SLC7A14: variants seen among roughly 807,000 people sequenced by gnomAD.
The protein encoded by SLC7A14 is gamma-aminobutyric acid transporter SLC7A14.
A neutral mutation model predicts 60.2 loss-of-function variants in SLC7A14; 37 were observed. The ratio of observed to expected loss-of-function variants is 0.61; its 90% CI spans 0.47 to 0.81. SLC7A14 has a LOEUF of 0.81. SLC7A14 is among the 30% of genes least tolerant of loss of function. The pLI is 0.00. For missense variants in SLC7A14, 886 were observed against 982.7 expected, an observed-to-expected ratio of 0.90 and a Z score of 1.32; for synonymous variants, 399 against 395.8, an observed-to-expected ratio of 1.01 and a Z score of -0.10.
chr3:170,502,803 C>T (rs561210661), intron 2 of SLC7A14: 2 of 152,340 alleles, frequency 1.3e-5, no homozygotes, highest in African/African-American at 4.8e-5. Flanking sequence ...TCTCTTCTTT[C>T]CCCTCAGCTG....
intron 1 of SLC7A14, among the ~76,000 whole-genome samples, chr3:170,549,198 G>C (rs1262162583): frequency 2.7e-5 from 4 of 150,816 alleles, no homozygotes; most frequent in Admixed American, 6.6e-5. Flanking sequence ...ATCCAGACTG[G>C]GACACCGGCC....
rs576413086 is a variant in SLC7A14, at chr3:170,532,338, C to G, written c.-152-5250G>C. Among the ~76,000 whole-genome samples, 1 of 152,324 alleles carries G rather than the reference C, an allele frequency of 6.6e-6. No homozygotes were observed. The highest frequency in any genetic ancestry group is 1.9e-4 in the East Asian group (1 of 5,184). On this transcript the variant is annotated intron_variant, in intron 1 of 7. Transcript: ENST00000231706. This position sits in a 1 kb window ranked among gnomAD's most constrained non-coding sequence, Gnocchi z 4.0. ...CCCTTCTGAGGTCTCTGCCCACTCCCGCATCCAGGTCTTGGCTAACCCTCT... is the reference window on the plus strand; with the variant it reads ...CCCTTCTGAGGTCTCTGCCCACTCCGGCATCCAGGTCTTGGCTAACCCTCT...
At chr3:170,508,462 C>A (rs1284213672) in intron 2 of SLC7A14, among the ~76,000 whole-genome samples, 1 of 152,212 alleles carries the variant, frequency 6.6e-6, no homozygotes, top group African/African-American at 2.4e-5. Context: ...ATACTTCACA[C>A]TGGGTAGGCA....
chr3:170,511,384 C>T (rs550133152), intron 2 of SLC7A14, among the ~76,000 whole-genome samples: 1 of 150,504 alleles, frequency 6.6e-6, no homozygotes, highest in South Asian at 2.1e-4. Flanking sequence ...GCAACAAGAG[C>T]GAAACTCCGT....
Position 170,467,154 on chromosome 3 carries a change from T to C in SLC7A14, c.2217A>G (p.Ala739=), listed in dbSNP as rs1273903854. 27 of 1,614,154 alleles carry C rather than the reference T, an allele frequency of 1.7e-5. No homozygotes were observed. Among genetic ancestry groups the C allele is most frequent in the Non-Finnish European group, 2.2e-5 (26 of 1,180,056 alleles). ...TCGCTTTGCTACTTGTCCGGCCGTT[T>C]GCCTTCGCATCTGACATCTGTTGGT... ...FYYQQMSDAK[A]NGRTSSKAKS... The change falls in exon 8 of 8, where the codon GCA becomes GCG. Residue 739 remains alanine, a synonymous_variant. Transcript: ENST00000231706.
intron 7 of SLC7A14, among the ~76,000 whole-genome samples, chr3:170,470,865 C>CT (rs1232879304): frequency 2.6e-5 from 4 of 152,004 alleles, no homozygotes; most frequent in African/African-American, 4.8e-5. Flanking sequence ...GTTTCTGCTC[C>CT]TTTTTTTAGT....
chr3:170,525,588 T>C (rs2108293050), intron 2 of SLC7A14, among the ~76,000 whole-genome samples: 1 of 152,368 alleles, frequency 6.6e-6, no homozygotes, highest in South Asian at 2.1e-4. Flanking sequence ...ACTTGTCATT[T>C]TGCTGCTCTG....
intron 5 of SLC7A14, among the ~76,000 whole-genome samples, chr3:170,485,421 G>C (rs923732265): frequency 6.6e-6 from 1 of 152,214 alleles, no homozygotes; most frequent in African/African-American, 2.4e-5. Context: ...TAATTGTGGT[G>C]ACCCAAGTGA....
chr3:170,536,389 T>A (rs1316696159), intron 1 of SLC7A14, among the ~76,000 whole-genome samples: 1 of 152,238 alleles, frequency 6.6e-6, no homozygotes, highest in Non-Finnish European at 1.5e-5. Context: ...AATGGAAGAC[T>A]GATATAGCAA....
chr3:170,476,533 C>T (rs1279816577), intron 7 of SLC7A14, among the ~76,000 whole-genome samples: 1 of 152,178 alleles, frequency 6.6e-6, no homozygotes, highest in East Asian at 1.9e-4. Flanking sequence ...TTACAAAAGG[C>T]GCTCAGGGAG....
chr3:170,555,133 A>C (rs936982237), intron 1 of SLC7A14, among the ~76,000 whole-genome samples: 13 of 151,728 alleles, frequency 8.6e-5, no homozygotes, highest in Non-Finnish European at 1.8e-4. Context: ...ACACCACTGC[A>C]CTTCAGCCTG....
chr3:170,521,243 T>C (rs1713331945), intron 2 of SLC7A14, among the ~76,000 whole-genome samples: 1 of 152,180 alleles, frequency 6.6e-6, no homozygotes, highest in Non-Finnish European at 1.5e-5. Flanking sequence ...GCTTGACAAA[T>C]TGTAAAGAAA....
intron 4 of SLC7A14, among the ~76,000 whole-genome samples, chr3:170,493,224 G>GA (rs1174092141): frequency 2.3e-4 from 35 of 152,210 alleles, no homozygotes; most frequent in Admixed American, 1.3e-3. Context: ...TTGATATAGG[G>GA]AAAAATGTTT....
At chr3:170,478,354 A>T (rs1711698172) in intron 7 of SLC7A14, among the ~76,000 whole-genome samples, 1 of 152,222 alleles carries the variant, frequency 6.6e-6, no homozygotes, top group Non-Finnish European at 1.5e-5. Flanking sequence ...CTGGGATTAT[A>T]GACGTGAGCC....
intron 1 of SLC7A14, among the ~76,000 whole-genome samples, chr3:170,547,958 C>G (rs1714230602): frequency 2.6e-5 from 4 of 152,146 alleles, no homozygotes; most frequent in Admixed American, 1.3e-4. Flanking sequence ...TTAGGCTAAG[C>G]TCCTTGGAGG....
At chr3:170,544,035 A>G (rs1009954642) in intron 1 of SLC7A14, among the ~76,000 whole-genome samples, 2 of 152,052 alleles carry the variant, frequency 1.3e-5, no homozygotes, top group African/African-American at 4.8e-5. Context: ...GGCATGAGCC[A>G]CCACACCCGG....
chr3:170,573,928 A>G (rs1459032569), intron 1 of SLC7A14, among the ~76,000 whole-genome samples: 1 of 152,190 alleles, frequency 6.6e-6, no homozygotes, highest in Non-Finnish European at 1.5e-5. Flanking sequence ...CCACACTTAG[A>G]AGCATCTTCT....
rs1577519921 is a variant in SLC7A14, at chr3:170,504,249, C to T, written c.305-2904G>A. Among the ~76,000 whole-genome samples the T allele has an allele frequency of 3.9e-5, 6 of 152,148 alleles. No individual in the cohort carries two copies. The Middle Eastern group carries it at 0.01, about 259-fold the overall frequency. ...AAATATCTGGTATGTAAGAGGAACA[C>T]ATTTAAGAGTATCTTTCTAATTTCA... On this transcript the variant is annotated intron_variant, in intron 2 of 7. Coordinates refer to ENST00000231706, the MANE Select transcript of SLC7A14 (RefSeq NM_020949.3).
chr3:170,487,063 T>C (rs1334931621), intron 4 of SLC7A14, among the ~76,000 whole-genome samples: 14 of 147,318 alleles, frequency 9.5e-5, no homozygotes, highest in Non-Finnish European at 1.5e-5. Context: ...TGGGAAGACA[T>C]GGTAAAGACA....
Sources: allele counts gnomAD v4.1 joint callset (sites outside exome capture counted in the v4.1 genomes callset), GRCh38; gene constraint gnomAD v4.1.1; non-coding constraint Gnocchi (gnomAD v3.1); transcripts MANE v1.5; gene names NCBI Gene and HGNC (gene_info 2026-07-23, HGNC 2026-07-21).